DPP10: variants seen among roughly 807,000 people sequenced by gnomAD.
DPP10 encodes dipeptidyl peptidase like 10.
Under a neutral mutation model 120.9 loss-of-function variants are expected in DPP10, and 33 were observed. That is an observed-to-expected ratio of 0.27 (90% confidence interval 0.21 to 0.37). The LOEUF is 0.37. Ranked by LOEUF, DPP10 falls within the 10% of genes least tolerant of loss-of-function variation. The pLI, the probability that DPP10 is intolerant of heterozygous loss-of-function variation, is 1.00. For missense variants in DPP10, 816 were observed against 942.8 expected, an observed-to-expected ratio of 0.87 and a Z score of 1.76; for synonymous variants, 337 against 326.1, an observed-to-expected ratio of 1.03 and a Z score of -0.36.
rs559392385 is a variant in DPP10, at chr2:114,921,289, T to C, written c.61-387950T>C. Among the ~76,000 whole-genome samples, 7 of 152,294 alleles carry C rather than the reference T, an allele frequency of 4.6e-5. No homozygotes were observed. In the South Asian group the frequency reaches 1.2e-3, roughly 27 times the overall value. On this transcript the variant is annotated intron_variant, in intron 1 of 25. Coordinates refer to ENST00000410059, the MANE Select transcript of DPP10 (RefSeq NM_020868.6). ...TGGCCTATTTGTCGGTGCTGTAAAC[T>C]CACATAGCTTAAGCAGCATAAGTTA...
intron 1 of DPP10, among the ~76,000 whole-genome samples, chr2:114,990,698 T>C (rs1480941570): frequency 6.6e-6 from 1 of 152,194 alleles, no homozygotes; most frequent in Non-Finnish European, 1.5e-5. Flanking sequence ...TTGACAGCTT[T>C]CTATCGTGGT....
chr2:115,310,699 G>T (rs765130343), intron 2 of DPP10, among the ~76,000 whole-genome samples: 3 of 152,198 alleles, frequency 2.0e-5, no homozygotes, highest in Non-Finnish European at 4.4e-5. Flanking sequence ...ATGGCTCTAA[G>T]TTGCTGCATA....
chr2:115,798,550 G>C (rs975542285), intron 19 of DPP10, among the ~76,000 whole-genome samples: 1 of 152,068 alleles, frequency 6.6e-6, no homozygotes, highest in African/African-American at 2.4e-5. Flanking sequence ...AAGTCAAAGT[G>C]TGTCTATGAT....
intron 3 of DPP10, among the ~76,000 whole-genome samples, chr2:115,469,313 A>G (rs2074535955): frequency 6.6e-6 from 1 of 152,234 alleles, no homozygotes; most frequent in African/African-American, 2.4e-5. Context: ...GAAATTTCAA[A>G]TTAAATTTAA....
At chr2:115,168,540 T>A (rs988729320) in intron 1 of DPP10, among the ~76,000 whole-genome samples, 6 of 152,222 alleles carry the variant, frequency 3.9e-5, no homozygotes, top group African/African-American at 1.4e-4. Flanking sequence ...TGTTTTAAAG[T>A]TTTTATTGAC....
At chr2:114,988,193 T>A (rs573806528) in intron 1 of DPP10, among the ~76,000 whole-genome samples, 11 of 152,314 alleles carry the variant, frequency 7.2e-5, no homozygotes, top group Admixed American at 7.2e-4. Flanking sequence ...CACCAAATTT[T>A]ATGTACCCAA....
chr2:115,033,893 C>CTTTTTTTTTTTTTTT (rs965717193), intron 1 of DPP10, among the ~76,000 whole-genome samples: 6 of 89,856 alleles, frequency 6.7e-5, no homozygotes, highest in Non-Finnish European at 1.0e-4. Context: ...TTTTCTTTTT[C>CTTTTTTTTTTTTTTT]TTTTTTTTTT....
chr2:114,836,470 T>C (rs1687746156), intron 1 of DPP10, among the ~76,000 whole-genome samples: 1 of 152,166 alleles, frequency 6.6e-6, no homozygotes, highest in Non-Finnish European at 1.5e-5. Context: ...AAGTTTTTAT[T>C]AGTGATTTTC....
intron 1 of DPP10, among the ~76,000 whole-genome samples, chr2:114,939,934 AT>A (rs1284121397): frequency 6.6e-6 from 1 of 152,176 alleles, no homozygotes; most frequent in Non-Finnish European, 1.5e-5. Flanking sequence ...GAACACATTT[AT>A]TGCACAATTG....
At chr2:114,968,972 G>A (rs1353799962) in intron 1 of DPP10, among the ~76,000 whole-genome samples, 10 of 152,146 alleles carry the variant, frequency 6.6e-5, no homozygotes, top group Non-Finnish European at 1.3e-4. Context: ...ATTCTAGACT[G>A]AGCCAACCAA....
intron 1 of DPP10, among the ~76,000 whole-genome samples, chr2:114,571,990 A>T (rs1234822211): frequency 6.7e-6 from 1 of 149,268 alleles, no homozygotes; most frequent in African/African-American, 2.4e-5. Flanking sequence ...TGTAGTATAT[A>T]ATACAATATT....
chr2:114,827,993 C>T (rs186421532), intron 1 of DPP10, among the ~76,000 whole-genome samples: 1 of 151,948 alleles, frequency 6.6e-6, no homozygotes, highest in South Asian at 2.1e-4. Context: ...GTTTTTCTTG[C>T]TTTGTAGAAA....
chr2:114,647,432 A>G (rs936997980), intron 1 of DPP10, among the ~76,000 whole-genome samples: 5 of 152,140 alleles, frequency 3.3e-5, no homozygotes, highest in East Asian at 3.8e-4. Context: ...TACCAGAGCT[A>G]TTTAGGGAAT....
At chr2:114,581,541 A>T (rs1384390960) in intron 1 of DPP10, among the ~76,000 whole-genome samples, 1 of 152,150 alleles carries the variant, frequency 6.6e-6, no homozygotes, top group East Asian at 1.9e-4. Flanking sequence ...ATGGAGATTC[A>T]ATGGACTTTT....
intron 2 of DPP10, among the ~76,000 whole-genome samples, chr2:115,317,684 A>G (rs1173374063): frequency 7.0e-6 from 1 of 142,932 alleles, no homozygotes; most frequent in Non-Finnish European, 1.5e-5. Context: ...GTAGTATCTC[A>G]TTTGGTTTTA....
At chr2:115,257,339 G>C (rs1309646183) in intron 1 of DPP10, among the ~76,000 whole-genome samples, 1 of 151,408 alleles carries the variant, frequency 6.6e-6, no homozygotes, top group Non-Finnish European at 1.5e-5. Context: ...TTATAAAGAA[G>C]AGAGGTGTAA....
At chr2:115,410,880 CACTT>C (rs1257168366) in intron 3 of DPP10, among the ~76,000 whole-genome samples, 6 of 152,236 alleles carry the variant, frequency 3.9e-5, no homozygotes, top group African/African-American at 1.4e-4. Context: ...AGTTCTATAT[CACTT>C]GTATTGATAT....
At chr2:114,790,742 C>A (rs6542221) in intron 1 of DPP10, among the ~76,000 whole-genome samples, 89,483 of 151,954 alleles carry the variant, frequency 0.59, 26,842 homozygotes, top group East Asian at 0.87. Context: ...TCACAAGGTA[C>A]TGTCATCAGT....
Position 114,725,199 on chromosome 2 carries a change from C to T in DPP10, c.60+282361C>T, listed in dbSNP as rs140168833. 7.6e-3 allele frequency among the ~76,000 whole-genome samples: 1,159 copies of T among 152,286 alleles called. 13 individuals carry two copies. The highest frequency in any genetic ancestry group is 0.026 in the African/African-American group (1,090 of 41,558). On this transcript the variant is annotated intron_variant, in intron 1 of 25. Transcript: ENST00000410059. ...CTCACTTTGGCTAAAGTAAACTCTT[C>T]CATTAAAATTATATCTGATGCCTCA...
Sources: gnomAD v4.1 joint callset for allele counts (sites outside exome capture counted in the v4.1 genomes callset) on GRCh38, gnomAD v4.1.1 for gene constraint, MANE v1.5 for transcripts, NCBI Gene and HGNC (gene_info 2026-07-23, HGNC 2026-07-21) for gene names.